The following TRHR variants were observed in gnomAD, a reference collection of about 807,000 sequenced individuals.
The protein encoded by TRHR is thyrotropin-releasing hormone receptor.
TRHR carries 14 observed loss-of-function variants against 28.0 expected under a neutral mutation model. The ratio of observed to expected loss-of-function variants is 0.50; its 90% CI spans 0.33 to 0.78. The LOEUF is 0.78. Ranked by LOEUF, TRHR falls within the 30% of genes least tolerant of loss-of-function variation. The probability of loss-of-function intolerance (pLI) is 0.02; values close to 1 mark genes in which losing one functional copy is unlikely to be tolerated. For missense variants in TRHR, 438 were observed against 469.5 expected (o/e 0.93, Z 0.62); for synonymous variants, 176 against 171.9 (o/e 1.02, Z -0.18).
At chr8:109,108,133 C>T (rs1353050180) in intron 2 of TRHR, among the ~76,000 whole-genome samples, 2 of 152,114 alleles carry the variant, frequency 1.3e-5, no homozygotes, top group Non-Finnish European at 2.9e-5. Context: ...AGTCCGATGC[C>T]TCCCAGGTGC....
chr8:109,117,742 T>C (rs977706000), intron 2 of TRHR, among the ~76,000 whole-genome samples: 19 of 152,084 alleles, frequency 1.2e-4, no homozygotes, highest in Non-Finnish European at 5.9e-5. Flanking sequence ...TACTTATATA[T>C]ATTTTTTAAA....
chr8:109,108,445 A>C (rs1811783791), intron 2 of TRHR, among the ~76,000 whole-genome samples: 1 of 152,170 alleles, frequency 6.6e-6, no homozygotes, highest in Admixed American at 6.6e-5. Flanking sequence ...CCCCTGGGAA[A>C]GATCAATGTC....
chr8:109,097,443 C>T (rs1188025406), intron 2 of TRHR, among the ~76,000 whole-genome samples: 1 of 152,134 alleles, frequency 6.6e-6, no homozygotes, highest in African/African-American at 2.4e-5. Flanking sequence ...ATTCAATAAA[C>T]ATGTATTGAG....
chr8:109,087,743 C>T lies in TRHR; in HGVS notation c.231C>T (p.Ala77=), dbSNP rs766791146. 9.9e-6 allele frequency: 16 copies of T among 1,613,986 alleles called. No individual in the cohort carries two copies. The highest frequency in any genetic ancestry group is 1.6e-4 in the Middle Eastern group (1 of 6,084). Residue 77 remains alanine, a synonymous_variant, in exon 2 of 3, where the codon GCC becomes GCT. Transcript: ENST00000518632. ...TAGCTGATCTCATGGTCTTGGTGGCCGCAGGCCTCCCCAACATAACAGACA... is the reference window on the plus strand; with the variant it reads ...TAGCTGATCTCATGGTCTTGGTGGCTGCAGGCCTCCCCAACATAACAGACA... ...LAVADLMVLV[A]AGLPNITDSI...
intron 2 of TRHR, among the ~76,000 whole-genome samples, chr8:109,095,582 A>G (rs1339607836): frequency 6.6e-6 from 1 of 152,086 alleles, no homozygotes; most frequent in Admixed American, 6.6e-5. Context: ...GTCATTCTAC[A>G]TACTTTCTTC....
At chr8:109,113,560 G>T (rs923373360) in intron 2 of TRHR, among the ~76,000 whole-genome samples, 2 of 151,994 alleles carry the variant, frequency 1.3e-5, no homozygotes, top group Non-Finnish European at 2.9e-5. Flanking sequence ...GGGACTTTGG[G>T]TAAAATGTAA....
chr8:109,092,702 G>T (rs1382709097), intron 2 of TRHR, among the ~76,000 whole-genome samples: 1 of 152,128 alleles, frequency 6.6e-6, no homozygotes, highest in Non-Finnish European at 1.5e-5. Context: ...GCCTTCCAAA[G>T]TACTGGGATT....
intron 2 of TRHR, among the ~76,000 whole-genome samples, chr8:109,113,040 T>C (rs867799184): frequency 4.6e-5 from 7 of 152,246 alleles, no homozygotes; most frequent in Middle Eastern, 3.4e-3. Context: ...GGTGTCATTT[T>C]CTCATGCATT....
At chr8:109,116,093 C>A (rs960517925) in intron 2 of TRHR, among the ~76,000 whole-genome samples, 11 of 152,058 alleles carry the variant, frequency 7.2e-5, no homozygotes, top group African/African-American at 2.7e-4. Flanking sequence ...TGTTTATAAG[C>A]TGGATTACAT....
In TRHR at chr8:109,087,906, A is replaced by G. The variant is rs1811462595; in HGVS notation, c.394A>G (p.Lys132Glu). 1.2e-6 allele frequency: 2 copies of G among 1,614,200 alleles called. No homozygotes were observed. Among genetic ancestry groups the G allele is most frequent in the Non-Finnish European group, 1.7e-6 (2 of 1,180,022 alleles). Residue 132 changes from lysine (K) to glutamate (E), a missense_variant, in exon 2 of 3, where the codon AAA becomes GAA. Physicochemically the swap from Lys to Glu is moderately conservative, Grantham distance 56. Transcript: ENST00000518632. The part of the protein sequence containing the change: ...ERYIAICHPI[K>E]AQFLCTFSRA... ...GTACATAGCAATCTGTCACCCCATC[A>G]AAGCCCAGTTTCTCTGCACATTTTC...
At chr8:109,094,340 C>A (rs1811557834) in intron 2 of TRHR, among the ~76,000 whole-genome samples, 2 of 151,998 alleles carry the variant, frequency 1.3e-5, no homozygotes, top group Non-Finnish European at 2.9e-5. Context: ...CAACTTCTAC[C>A]TCTTGAGTTC....
chr8:109,103,217 C>T (rs1811703545), intron 2 of TRHR, among the ~76,000 whole-genome samples: 1 of 152,150 alleles, frequency 6.6e-6, no homozygotes, highest in Non-Finnish European at 1.5e-5. Flanking sequence ...TAAACCAGGT[C>T]TTTCCTTTAT....
At chr8:109,114,959 GGATA>G (rs1168623623) in intron 2 of TRHR, among the ~76,000 whole-genome samples, 3 of 152,000 alleles carry the variant, frequency 2.0e-5, no homozygotes, top group Non-Finnish European at 4.4e-5. Flanking sequence ...TAGAATGGAT[GGATA>G]GATTCCTTCC....
chr8:109,090,081 C>G (rs1811498306), intron 2 of TRHR, among the ~76,000 whole-genome samples: 1 of 152,166 alleles, frequency 6.6e-6, no homozygotes. Context: ...TCCAAACAAC[C>G]TTGGGCTTAA....
intron 2 of TRHR, among the ~76,000 whole-genome samples, chr8:109,096,651 T>C (rs1023189295): frequency 6.6e-6 from 1 of 152,190 alleles, no homozygotes; most frequent in African/African-American, 2.4e-5. Context: ...TTAAAATTGG[T>C]CATGGTTGAA....
At chr8:109,096,493 G>T (rs1373898316) in intron 2 of TRHR, among the ~76,000 whole-genome samples, 1 of 152,098 alleles carries the variant, frequency 6.6e-6, no homozygotes, top group Non-Finnish European at 1.5e-5. Context: ...CTTGCATTGT[G>T]GTACCCTCAG....
rs1284011027 is a variant in TRHR at position 109,120,942 on chromosome 8, T to C, written c.*1487T>C. 6.6e-6 allele frequency among the ~76,000 whole-genome samples: 1 copy of C among 151,692 alleles called. No homozygotes were observed. The highest frequency in any genetic ancestry group is 1.5e-5 in the Non-Finnish European group (1 of 67,786). ...CTCTCCAGCCTATATCCCTATTTTA[T>C]GGACTTTTCTAGAACCTAATCGCTA... On this transcript the variant is annotated 3_prime_UTR_variant, in exon 3 of 3. Transcript: ENST00000518632.
At chr8:109,114,628 A>C (rs902868001) in intron 2 of TRHR, among the ~76,000 whole-genome samples, 5 of 152,064 alleles carry the variant, frequency 3.3e-5, no homozygotes, top group African/African-American at 1.2e-4. Flanking sequence ...AATTACTTCT[A>C]GTCCCATGAT....
At chr8:109,101,767 C>T (rs560313996) in intron 2 of TRHR, among the ~76,000 whole-genome samples, 10 of 152,186 alleles carry the variant, frequency 6.6e-5, no homozygotes, top group African/African-American at 2.4e-4. Context: ...TCAGAAGAAA[C>T]ATATAGACTG....
Sources: gnomAD v4.1 joint callset for allele counts (sites outside exome capture counted in the v4.1 genomes callset) on GRCh38, gnomAD v4.1.1 for gene constraint, MANE v1.5 for transcripts, NCBI Gene and HGNC (gene_info 2026-07-23, HGNC 2026-07-21) for gene names.